The following TAF5L variants were observed in gnomAD, a reference collection of about 807,000 sequenced individuals.
TAF5L encodes TATA-box binding protein associated factor 5 like.
In TAF5L, 7 loss-of-function variants were observed where a neutral mutation model predicts 51.3. That is an observed-to-expected ratio of 0.14 (90% CI 0.08 to 0.26). The LOEUF (loss-of-function observed/expected upper bound fraction) is 0.26, where lower values mean the gene tolerates loss of function less well. Among genes scored for constraint, TAF5L ranks in the 10% least tolerant of loss-of-function variants. The pLI, the probability that TAF5L is intolerant of heterozygous loss-of-function variation, is 1.00. For missense variants in TAF5L, 575 were observed against 758.9 expected, an observed-to-expected ratio of 0.76 and a Z score of 2.85; for synonymous variants, 291 against 308.1, an observed-to-expected ratio of 0.94 and a Z score of 0.58.
At chr1:229,608,644 G>A (rs527347769) in intron 3 of TAF5L, among the ~76,000 whole-genome samples, 155 of 151,590 alleles carry the variant, frequency 1.0e-3, no homozygotes, top group Middle Eastern at 3.4e-3. Flanking sequence ...AAAAAAATAT[G>A]ATATTAATCT....
At chr1:229,603,377 ATATTC>A (rs1421579789) in intron 3 of TAF5L, among the ~76,000 whole-genome samples, 1 of 152,248 alleles carries the variant, frequency 6.6e-6, no homozygotes, top group Admixed American at 6.5e-5. Context: ...AACACACAGT[ATATTC>A]AGAATTATCT....
rs1028333515 is a variant in TAF5L at position 229,606,255 on chromosome 1, C to A, written c.248-3336G>T. On this transcript the variant is annotated intron_variant, in intron 3 of 4. Transcript: ENST00000258281. ...AAGGTGAGATTCAGAATTCTAACTC[C>A]CATTTTAAATTATTCCCTTGCAATC... 7 of 909,634 alleles carry A rather than the reference C, an allele frequency of 7.7e-6. No individual in the cohort carries two copies. The African/African-American group carries it at 1.3e-4, about 16-fold the overall frequency. 56.3% of individuals were successfully genotyped at this position (909,634 alleles called of 1,614,324 possible). A position where few individuals can be genotyped will look rare whatever the true frequency, so the allele number is the denominator to read the frequency against.
chr1:229,614,027 G>C (rs1359528038), intron 2 of TAF5L: 6 of 598,536 alleles, frequency 1.0e-5, no homozygotes, highest in Non-Finnish European at 1.8e-5. Context: ...GGTCTTGTAG[G>C]TTAATTGTTT....
At chr1:229,611,137 T>G (rs781078780) in intron 2 of TAF5L, among the ~76,000 whole-genome samples, 10 of 152,088 alleles carry the variant, frequency 6.6e-5, no homozygotes, top group Non-Finnish European at 1.2e-4. Flanking sequence ...CAGGGAAGGA[T>G]TGTTTACTTG....
intron 2 of TAF5L, 113 bp downstream of exon 2, chr1:229,614,228 T>C: frequency 6.3e-7 from 1 of 1,585,858 alleles, no homozygotes; most frequent in South Asian, 1.1e-5. Flanking sequence ...AGGTTTTTGG[T>C]CAGTCTGCTC....
chr1:229,604,317 G>C (rs1664503272), intron 3 of TAF5L, among the ~76,000 whole-genome samples: 1 of 151,960 alleles, frequency 6.6e-6, no homozygotes, highest in Non-Finnish European at 1.5e-5. Flanking sequence ...TTATCACAAG[G>C]TGAATGAATC....
chr1:229,614,207 G>T, intron 2 of TAF5L, 134 bp downstream of exon 2: 1 of 1,431,158 alleles, frequency 7.0e-7, no homozygotes, highest in Non-Finnish European at 9.8e-7. Flanking sequence ...TTCACTTAAC[G>T]TAGCTCACTG....
At chr1:229,607,075 T>C (rs1050607898) in intron 3 of TAF5L, 15 of 985,456 alleles carry the variant, frequency 1.5e-5, no homozygotes, top group Non-Finnish European at 1.7e-5. Flanking sequence ...AGCTATGCAG[T>C]AGGATGCCAC....
intron 2 of TAF5L, among the ~76,000 whole-genome samples, chr1:229,613,347 A>C (rs1014738049): frequency 6.6e-6 from 1 of 150,794 alleles, no homozygotes; most frequent in African/African-American, 2.4e-5. Context: ...AAAAAAAAAA[A>C]AGAAGAAAGA....
Position 229,611,682 on chromosome 1 carries a change from C to A in TAF5L, c.143-1472G>T, listed in dbSNP as rs138443246. ...CTCTCCACTCCCATTACCACTTCCTCAACTGAGGCTGTCCTCACTTCTCAC... is the reference window on the plus strand; with the variant it reads ...CTCTCCACTCCCATTACCACTTCCTAAACTGAGGCTGTCCTCACTTCTCAC... On this transcript the variant is annotated intron_variant, in intron 2 of 4. Transcript: ENST00000258281. Among the ~76,000 whole-genome samples the A allele has an allele frequency of 3.0e-3, 456 of 152,334 alleles. 3 individuals are homozygous for A. The highest frequency in any genetic ancestry group is 0.01 in the African/African-American group (431 of 41,578).
chr1:229,600,482 G>C (rs939132132), intron 4 of TAF5L: 1 of 985,172 alleles, frequency 1.0e-6, no homozygotes. Context: ...AAACACAAAC[G>C]TCACCCTTGA....
At chr1:229,601,812 C>A in intron 4 of TAF5L, 1 of 1,023,436 alleles carries the variant, frequency 9.8e-7, no homozygotes, top group East Asian at 9.7e-5. Flanking sequence ...ACAATGGAGG[C>A]CCTTCGACTC....
rs944298179 is a variant in TAF5L at position 229,601,045 on chromosome 1, A to C, written c.972+1150T>G. ...TTGAAAATTCAAATACAAATGTAAT[A>C]AAAAATATTTTGGAGAGTACTATAA... On this transcript the variant is annotated intron_variant, in intron 4 of 4. Coordinates refer to ENST00000258281, the Ensembl canonical transcript of TAF5L. 3.1e-6 allele frequency: 3 copies of C among 982,792 alleles called. No homozygotes were observed. In the Admixed American group the frequency reaches 1.8e-4, roughly 60 times the overall value. The allele number at this position is 982,792 out of a possible 1,614,324, so 60.9% of individuals were successfully genotyped here. A position where few individuals can be genotyped will look rare whatever the true frequency, so the allele number is the denominator to read the frequency against.
Position 229,594,780 on chromosome 1 carries a change from C to T in TAF5L, c.1287G>A (p.Val429=). 1.9e-6 allele frequency: 3 copies of T among 1,614,194 alleles called. No homozygotes were observed. Among genetic ancestry groups the T allele is most frequent in the South Asian group, 2.2e-5 (2 of 91,084 alleles). ...AATTAGGGTGGAATTTGACACAGTC[C>T]ACATCTGCCAGGTGTCCTGCATATA... The change falls in exon 5 of 5, where the codon GTG becomes GTA. Residue 429 remains valine, a synonymous_variant. Coordinates refer to ENST00000258281, the Ensembl canonical transcript of TAF5L. The surrounding 1 kb of genome is among the most constrained non-coding windows in gnomAD (Gnocchi z 7.9).
chr1:229,624,668 G>C (rs939187904), intron 1 of TAF5L, among the ~76,000 whole-genome samples: 1 of 152,172 alleles, frequency 6.6e-6, no homozygotes, highest in African/African-American at 2.4e-5. Flanking sequence ...GGAAACTACA[G>C]TTCAGAGAGG....
chr1:229,601,869 CATA>C, intron 4 of TAF5L: 1 of 1,099,758 alleles, frequency 9.1e-7, no homozygotes, highest in African/African-American at 1.6e-5. Context: ...TGTGCACACA[CATA>C]AGTGTATATT....
At chr1:229,624,569 G>A (rs1373782050) in intron 1 of TAF5L, among the ~76,000 whole-genome samples, 1 of 151,320 alleles carries the variant, frequency 6.6e-6, no homozygotes, top group African/African-American at 2.4e-5. Context: ...CTTGAGCCCA[G>A]GCCTGGGCAA....
At chr1:229,618,509 T>C (rs764909532) in intron 1 of TAF5L, among the ~76,000 whole-genome samples, 82 of 152,234 alleles carry the variant, frequency 5.4e-4, no homozygotes, top group Non-Finnish European at 9.6e-4. Flanking sequence ...TGACACAATG[T>C]ATATCTATTC....
At chr1:229,604,720 C>T (rs75163029) in intron 3 of TAF5L, among the ~76,000 whole-genome samples, 246 of 152,186 alleles carry the variant, frequency 1.6e-3, no homozygotes, top group African/African-American at 5.6e-3. Flanking sequence ...GATCAGCTTG[C>T]GAGATGAGTG....
Sources: gnomAD v4.1 joint callset for allele counts (sites outside exome capture counted in the v4.1 genomes callset) on GRCh38, gnomAD v4.1.1 for gene constraint, Gnocchi (gnomAD v3.1) non-coding constraint, MANE v1.5 for transcripts, NCBI Gene and HGNC (gene_info 2026-07-23, HGNC 2026-07-21) for gene names.